The following PATJ variants were observed in gnomAD, a reference collection of about 807,000 sequenced individuals.
PATJ encodes the protein inaD-like protein.
A neutral mutation model predicts 224.9 loss-of-function variants in PATJ; 190 were observed. The observed-to-expected ratio is 0.84, with a 90% confidence interval of 0.75 to 0.95. The LOEUF (loss-of-function observed/expected upper bound fraction) is 0.95. PATJ is among the 40% of genes least tolerant of loss of function. The probability of loss-of-function intolerance (pLI) is 0.00; values close to 1 mark genes in which losing one functional copy is unlikely to be tolerated. For missense variants in PATJ, 2,121 were observed against 2,270.3 expected (o/e 0.93, Z 1.34); for synonymous variants, 769 against 820.3 (o/e 0.94, Z 1.07).
intron 26 of PATJ, among the ~76,000 whole-genome samples, chr1:61,917,382 A>T (rs920550515): frequency 1.3e-5 from 2 of 152,300 alleles, no homozygotes. Flanking sequence ...ACTCTCTTTC[A>T]TTCCTACTTT....
chr1:62,004,254 G>A (rs1558025689), intron 28 of PATJ, among the ~76,000 whole-genome samples: 1 of 152,160 alleles, frequency 6.6e-6, no homozygotes. Flanking sequence ...AGAGAATCTG[G>A]TACCTAGAAC....
chr1:62,160,974 C>G lies in PATJ; in HGVS notation c.5569C>G (p.Leu1857Val). The G allele has an allele frequency of 6.2e-7, 1 of 1,613,484 alleles. No individual in the cohort carries two copies. The highest frequency in any genetic ancestry group is 8.5e-7 in the Non-Finnish European group (1 of 1,179,840). The change falls in exon 44 of 44, where the codon CTG becomes GTG. Residue 1857 changes from leucine to valine, a missense_variant. Transcript: ENST00000642238. ...GATTTTAGCTGTTAATGGCGAGACC[C>G]TGGAAGGTGTTACTCATGAGCAAGC... ...DQILAVNGET[L>V]EGVTHEQAVA...
At chr1:61,836,687 A>G (rs1431521162) in intron 17 of PATJ, among the ~76,000 whole-genome samples, 1 of 151,938 alleles carries the variant, frequency 6.6e-6, no homozygotes, top group Admixed American at 6.5e-5. Flanking sequence ...AATCGGTTAT[A>G]CCATCCCTTG....
chr1:62,097,058 AAG>A (rs1383471412), intron 33 of PATJ, among the ~76,000 whole-genome samples: 1 of 152,178 alleles, frequency 6.6e-6, no homozygotes, highest in African/African-American at 2.4e-5. Flanking sequence ...GAAAATCTAA[AAG>A]GGGGGATTTA....
At chr1:61,915,057 G>GTCA (rs1182944025) in intron 26 of PATJ, among the ~76,000 whole-genome samples, 2 of 152,118 alleles carry the variant, frequency 1.3e-5, no homozygotes, top group Non-Finnish European at 2.9e-5. Context: ...CACATCAAAG[G>GTCA]TCATCTCTCC....
At chr1:61,891,050 A>G (rs1669537356) in intron 22 of PATJ, among the ~76,000 whole-genome samples, 1 of 152,134 alleles carries the variant, frequency 6.6e-6, no homozygotes, top group African/African-American at 2.4e-5. Context: ...GATTAACAAA[A>G]AAAAAAATGT....
At chr1:62,160,680 T>A (rs1008058854) in intron 43 of PATJ, among the ~76,000 whole-genome samples, 5 of 152,190 alleles carry the variant, frequency 3.3e-5, no homozygotes, top group African/African-American at 1.2e-4. Context: ...TTTCTACTAG[T>A]ATGTTATTTA....
intron 27 of PATJ, among the ~76,000 whole-genome samples, chr1:61,984,759 G>GT (rs1221070311): frequency 1.3e-5 from 2 of 152,000 alleles, no homozygotes; most frequent in African/African-American, 2.4e-5. Flanking sequence ...GATATTAGTT[G>GT]TTTTTCCTGA....
intron 17 of PATJ, among the ~76,000 whole-genome samples, chr1:61,837,472 G>T (rs1010335820): frequency 6.6e-6 from 1 of 152,088 alleles, no homozygotes; most frequent in South Asian, 2.1e-4. Flanking sequence ...AGAAGTTTGC[G>T]TTTTATATAA....
rs765769819 is a variant in PATJ at position 61,927,721 on chromosome 1, C to T, written c.3571-9C>T. 1.3e-5 allele frequency: 21 copies of T among 1,588,076 alleles called. No individual in the cohort carries two copies. Among genetic ancestry groups the T allele is most frequent in the Non-Finnish European group, 4.3e-6 (5 of 1,161,056 alleles). ...CATTTAACCCTTCTCTCAAATTTTGCATCTTCAGAGGCAAGGAACTGCTCC... is the reference window on the plus strand; with the variant it reads ...CATTTAACCCTTCTCTCAAATTTTGTATCTTCAGAGGCAAGGAACTGCTCC... On this transcript the variant is annotated splice_polypyrimidine_tract_variant and intron_variant, in intron 26 of 43. Transcript: ENST00000642238.
Position 61,754,396 on chromosome 1 carries a change from T to G in PATJ, c.-35-8462T>G, listed in dbSNP as rs1172437932. Among the ~76,000 whole-genome samples the G allele has an allele frequency of 2.6e-5, 4 of 152,214 alleles. No individual in the cohort carries two copies. In the East Asian group the frequency reaches 7.7e-4, roughly 29 times the overall value. On this transcript the variant is annotated intron_variant, in intron 1 of 43. Transcript: ENST00000642238. ...CTTGTGTTTCTTCCTTTTCTTGTCATATACTCTTTTTTGTCATAGCTAACT... is the reference window on the plus strand; with the variant it reads ...CTTGTGTTTCTTCCTTTTCTTGTCAGATACTCTTTTTTGTCATAGCTAACT...
At chr1:61,972,033 G>A (rs1243363856) in intron 27 of PATJ, among the ~76,000 whole-genome samples, 3 of 151,854 alleles carry the variant, frequency 2.0e-5, no homozygotes, top group Non-Finnish European at 4.4e-5. Flanking sequence ...ATTATGTTTA[G>A]ATTGAATCTG....
At chr1:61,902,526 A>G (rs1671323285) in intron 24 of PATJ, among the ~76,000 whole-genome samples, 2 of 152,314 alleles carry the variant, frequency 1.3e-5, no homozygotes, top group East Asian at 3.9e-4. Context: ...AATGGAAATG[A>G]GAATTCAAAA....
At chr1:61,966,415 G>C (rs112710971) in intron 27 of PATJ, among the ~76,000 whole-genome samples, 2 of 152,090 alleles carry the variant, frequency 1.3e-5, no homozygotes, top group Non-Finnish European at 2.9e-5. Flanking sequence ...GCCAAATGCG[G>C]TGTCTCACAC....
At chr1:62,045,908 C>T (rs1652453501) in intron 30 of PATJ, among the ~76,000 whole-genome samples, 1 of 151,972 alleles carries the variant, frequency 6.6e-6, no homozygotes, top group Admixed American at 6.6e-5. Context: ...GAGCAGAATC[C>T]ACATTGTTGT....
intron 27 of PATJ, among the ~76,000 whole-genome samples, chr1:61,978,219 TCCTTCCTCCCTCCCTC>T (rs954111139): frequency 6.6e-4 from 86 of 131,066 alleles, no homozygotes; most frequent in Non-Finnish European, 1.1e-3. Context: ...CTTCCTTCCT[TCCTTCCTCCCTCCCTC>T]CCTCCCTCCC....
At chr1:61,980,324 A>G (rs1644382660) in intron 27 of PATJ, among the ~76,000 whole-genome samples, 1 of 152,040 alleles carries the variant, frequency 6.6e-6, no homozygotes, top group Non-Finnish European at 1.5e-5. Context: ...AAAAGTCTAT[A>G]TAAAGATGGT....
In PATJ at chr1:61,864,505, G is replaced by A. The variant is rs781324035; in HGVS notation, c.2707G>A (p.Val903Met). ...HIQEATPVPS[V>M]NELHFGTQWL... ...TCAAGAGGCCACTCCTGTGCCCTCT[G>A]TGAATGAACTTCACTTTGGTACACA... is the stretch of plus-strand genomic sequence containing the variant. The change falls in exon 20 of 44, where the codon GTG (valine) becomes ATG (methionine). Residue 903 changes from valine to methionine, a missense_variant. Transcript: ENST00000642238. 13 of 1,613,940 alleles carry A rather than the reference G, an allele frequency of 8.1e-6. No individual in the cohort carries two copies. In the African/African-American group the frequency reaches 1.1e-4, roughly 13 times the overall value.
chr1:61,871,991 C>G (rs540060001), intron 20 of PATJ, among the ~76,000 whole-genome samples: 1 of 152,052 alleles, frequency 6.6e-6, no homozygotes, highest in African/African-American at 2.4e-5. Flanking sequence ...CAGGCTTGAG[C>G]CACTGCTCCC....
Sources: allele counts gnomAD v4.1 joint callset (sites outside exome capture counted in the v4.1 genomes callset), GRCh38; gene constraint gnomAD v4.1.1; transcripts MANE v1.5; gene names NCBI Gene and HGNC (gene_info 2026-07-23, HGNC 2026-07-21).